The following LDLRAD3 variants were observed in gnomAD, a reference collection of about 807,000 sequenced individuals.
LDLRAD3 encodes the protein low-density lipoprotein receptor class A domain-containing protein 3.
LDLRAD3 carries 20 observed loss-of-function variants against 29.4 expected under a neutral mutation model. The observed-to-expected ratio is 0.68, with a 90% CI of 0.48 to 0.99. LDLRAD3 has a LOEUF of 0.99. Ranked by LOEUF, LDLRAD3 falls within the 50% of genes least tolerant of loss-of-function variation. The pLI is 0.00. For missense variants in LDLRAD3, 420 were observed against 454.3 expected (o/e 0.92, Z 0.69); for synonymous variants, 157 against 192.7 (o/e 0.81, Z 1.53).
intron 4 of LDLRAD3, among the ~76,000 whole-genome samples, chr11:36,162,189 G>T (rs1229216654): frequency 6.6e-6 from 1 of 152,176 alleles, no homozygotes; most frequent in African/African-American, 2.4e-5. Flanking sequence ...TGGGGGCAGG[G>T]TGCTGGGGAA....
At chr11:36,132,326 A>C (rs1217104124) in intron 4 of LDLRAD3, among the ~76,000 whole-genome samples, 1 of 152,192 alleles carries the variant, frequency 6.6e-6, no homozygotes, top group Non-Finnish European at 1.5e-5. Context: ...GTGTGAGAGA[A>C]GAGAAAAAGA....
At chr11:36,113,345 C>G (rs927951397) in intron 4 of LDLRAD3, among the ~76,000 whole-genome samples, 1 of 152,046 alleles carries the variant, frequency 6.6e-6, no homozygotes, top group African/African-American at 2.4e-5. Flanking sequence ...ACAGGGAGCT[C>G]TCCGCTCCTC....
intron 1 of LDLRAD3, among the ~76,000 whole-genome samples, chr11:36,030,038 C>T (rs1852216220): frequency 6.6e-6 from 1 of 152,204 alleles, no homozygotes; most frequent in African/African-American, 2.4e-5. Context: ...ACCAATTTCC[C>T]TGGGCTGTCT....
chr11:36,017,386 C>T (rs1467947636), intron 1 of LDLRAD3, among the ~76,000 whole-genome samples: 2 of 152,204 alleles, frequency 1.3e-5, no homozygotes, highest in African/African-American at 4.8e-5. Flanking sequence ...AGCAAAATAG[C>T]TCTCAAGTAT....
At chr11:36,137,789 G>A (rs953363125) in intron 4 of LDLRAD3, among the ~76,000 whole-genome samples, 2 of 152,090 alleles carry the variant, frequency 1.3e-5, no homozygotes, top group African/African-American at 4.8e-5. Context: ...CTTGAAAAAC[G>A]CCGTTGCTGC....
chr11:35,945,045 G>C (rs1851039370), intron 1 of LDLRAD3, among the ~76,000 whole-genome samples: 5 of 152,202 alleles, frequency 3.3e-5, no homozygotes, highest in Admixed American at 3.3e-4. Context: ...GTCCCTCCTG[G>C]ACTGGGCCCG....
chr11:36,100,400 T>C (rs1853428419), intron 4 of LDLRAD3, among the ~76,000 whole-genome samples: 1 of 152,104 alleles, frequency 6.6e-6, no homozygotes, highest in Non-Finnish European at 1.5e-5. Flanking sequence ...TTAGCATAGA[T>C]AGGAAGGATT....
At chr11:36,140,646 C>T (rs548416481) in intron 4 of LDLRAD3, among the ~76,000 whole-genome samples, 1 of 150,294 alleles carries the variant, frequency 6.7e-6, no homozygotes, top group Admixed American at 6.6e-5. Flanking sequence ...GTCCTGAACT[C>T]CTGGGATCGA....
At chr11:36,206,206 G>A (rs1460880009) in intron 4 of LDLRAD3, among the ~76,000 whole-genome samples, 2 of 152,178 alleles carry the variant, frequency 1.3e-5, no homozygotes, top group Non-Finnish European at 2.9e-5. Flanking sequence ...AGTTAATACT[G>A]TATGCGGTAG....
chr11:36,182,118 G>C (rs1854773644), intron 4 of LDLRAD3, among the ~76,000 whole-genome samples: 1 of 152,212 alleles, frequency 6.6e-6, no homozygotes, highest in Admixed American at 6.5e-5. Context: ...ATCTAGACAG[G>C]AGTGGTGGAA....
chr11:36,171,937 A>C (rs945133950), intron 4 of LDLRAD3, among the ~76,000 whole-genome samples: 7 of 152,164 alleles, frequency 4.6e-5, no homozygotes, highest in African/African-American at 1.7e-4. Context: ...ACAATATTCT[A>C]CCCATCCACA....
rs150998336 is a variant in LDLRAD3 at position 35,971,698 on chromosome 11, G to A, written c.46+27554G>A. Among the ~76,000 whole-genome samples, 57 of 152,240 alleles carry A rather than the reference G, an allele frequency of 3.7e-4. 1 individual carries two copies. The highest frequency in any genetic ancestry group is 1.4e-3 in the African/African-American group (57 of 41,528). On this transcript the variant is annotated intron_variant, in intron 1 of 5. Coordinates refer to ENST00000315571, the MANE Select transcript of LDLRAD3 (RefSeq NM_174902.4). ...TTTTGTGATGGCAGTCCCAGGGTAC[G>A]AATATAGAACCAAAAAGATGAATTG... is the stretch of plus-strand genomic sequence containing the variant.
At chr11:35,953,314 G>A (rs894462678) in intron 1 of LDLRAD3, among the ~76,000 whole-genome samples, 1 of 152,200 alleles carries the variant, frequency 6.6e-6, no homozygotes, top group Non-Finnish European at 1.5e-5. Context: ...GCATCCGGGT[G>A]CTGCAAGGAT....
At chr11:36,176,071 T>A (rs1854671271) in intron 4 of LDLRAD3, among the ~76,000 whole-genome samples, 1 of 152,224 alleles carries the variant, frequency 6.6e-6, no homozygotes, top group Non-Finnish European at 1.5e-5. Context: ...CCTCTTTGTC[T>A]TTTTTAACTA....
chr11:35,999,093 C>T (rs1047185277), intron 1 of LDLRAD3, among the ~76,000 whole-genome samples: 6 of 152,178 alleles, frequency 3.9e-5, no homozygotes, highest in Non-Finnish European at 7.3e-5. Flanking sequence ...TATTCAGTCA[C>T]GAAACATCGA....
At chr11:35,980,385 G>A (rs895809120) in intron 1 of LDLRAD3, among the ~76,000 whole-genome samples, 1 of 152,170 alleles carries the variant, frequency 6.6e-6, no homozygotes, top group Non-Finnish European at 1.5e-5. Context: ...TGGTAGATTA[G>A]TTAGTTGGTT....
At chr11:36,220,167 A>G (rs922637890) in intron 4 of LDLRAD3, among the ~76,000 whole-genome samples, 12 of 152,200 alleles carry the variant, frequency 7.9e-5, no homozygotes, top group African/African-American at 2.9e-4. Context: ...TAAGATGGCT[A>G]AAATTAAAAA....
At chr11:36,212,974 A>G (rs1227893474) in intron 4 of LDLRAD3, among the ~76,000 whole-genome samples, 2 of 152,110 alleles carry the variant, frequency 1.3e-5, no homozygotes, top group African/African-American at 4.8e-5. Context: ...GAATGACTGA[A>G]AATTTCCAGG....
intron 4 of LDLRAD3, among the ~76,000 whole-genome samples, chr11:36,194,599 G>A (rs544495443): frequency 6.6e-6 from 1 of 152,146 alleles, no homozygotes; most frequent in Non-Finnish European, 1.5e-5. Flanking sequence ...TTCTCCATGG[G>A]TTCATGGTTG....
Sources: allele counts gnomAD v4.1 joint callset (sites outside exome capture counted in the v4.1 genomes callset), GRCh38; gene constraint gnomAD v4.1.1; transcripts MANE v1.5; gene names NCBI Gene and HGNC (gene_info 2026-07-23, HGNC 2026-07-21).